PID1: variants seen among roughly 807,000 people sequenced by gnomAD.
PID1 encodes the protein PTB-containing, cubilin and LRP1-interacting protein.
PID1 carries 10 observed loss-of-function variants against 19.1 expected under a neutral mutation model. That is an observed-to-expected ratio of 0.52 (90% CI 0.32 to 0.89). The LOEUF is 0.89. PID1 is among the 40% of genes least tolerant of loss of function. The pLI is 0.03. For missense variants in PID1, 248 were observed against 285.3 expected (o/e 0.87, Z 0.94); for synonymous variants, 130 against 116.0 (o/e 1.12, Z -0.78).
At chr2:229,218,803 G>A (rs1691903472) in intron 1 of PID1, among the ~76,000 whole-genome samples, 1 of 152,136 alleles carries the variant, frequency 6.6e-6, no homozygotes, top group Admixed American at 6.6e-5. Flanking sequence ...CAGAAGACAA[G>A]TAGCAGGGAT....
At chr2:229,098,145 A>G (rs958763437) in intron 2 of PID1, among the ~76,000 whole-genome samples, 3 of 152,216 alleles carry the variant, frequency 2.0e-5, no homozygotes, top group Non-Finnish European at 2.9e-5. Context: ...AGAGGACAAC[A>G]GCTAACAGGT....
intron 2 of PID1, among the ~76,000 whole-genome samples, chr2:229,143,776 G>A (rs13415183): frequency 0.27 from 40,446 of 151,880 alleles, 5,638 homozygotes; most frequent in Non-Finnish European, 0.31. Context: ...GTTTATAAGT[G>A]TGGCACTTCC....
chr2:229,253,509 C>T (rs1467924873), intron 1 of PID1, among the ~76,000 whole-genome samples: 1 of 151,262 alleles, frequency 6.6e-6, no homozygotes, highest in Non-Finnish European at 1.5e-5. Context: ...AAGCTGTGGG[C>T]CAGTACTACG....
intron 2 of PID1, among the ~76,000 whole-genome samples, chr2:229,105,507 G>A (rs1396431235): frequency 6.6e-6 from 1 of 152,220 alleles, no homozygotes; most frequent in Non-Finnish European, 1.5e-5. Context: ...GGGGCTAGGG[G>A]CAAGGAGTGT....
chr2:229,072,723 T>G (rs1473883408), intron 2 of PID1, among the ~76,000 whole-genome samples: 1 of 152,238 alleles, frequency 6.6e-6, no homozygotes, highest in Non-Finnish European at 1.5e-5. Context: ...ATTTGGCAGT[T>G]GTGCTTCGCT....
intron 2 of PID1, among the ~76,000 whole-genome samples, chr2:229,059,008 A>G (rs1694158734): frequency 6.6e-6 from 1 of 152,216 alleles, no homozygotes; most frequent in African/African-American, 2.4e-5. Context: ...TAAATTTTGT[A>G]AATATAAATT....
intron 2 of PID1, among the ~76,000 whole-genome samples, chr2:229,112,792 C>CT (rs1291510678): frequency 6.6e-6 from 1 of 152,092 alleles, no homozygotes; most frequent in Non-Finnish European, 1.5e-5. Context: ...GCCTCTACAA[C>CT]TTTTTTTAAG....
chr2:229,167,370 G>T (rs531128261), intron 1 of PID1, among the ~76,000 whole-genome samples: 1 of 152,106 alleles, frequency 6.6e-6, no homozygotes, highest in Non-Finnish European at 1.5e-5. Context: ...CTAACAATGA[G>T]AAATATTGAC....
At chr2:229,229,327 T>C (rs995333225) in intron 1 of PID1, among the ~76,000 whole-genome samples, 2 of 152,242 alleles carry the variant, frequency 1.3e-5, no homozygotes, top group African/African-American at 2.4e-5. Context: ...TTTGATGCCA[T>C]GCATCATGTT....
At chr2:229,159,574 T>C (rs142453818) in intron 1 of PID1, among the ~76,000 whole-genome samples, 5 of 152,258 alleles carry the variant, frequency 3.3e-5, no homozygotes, top group Non-Finnish European at 7.4e-5. Flanking sequence ...GTTTTGGACT[T>C]TTCTTGCCAA....
intron 1 of PID1, among the ~76,000 whole-genome samples, chr2:229,233,831 C>T (rs142016088): frequency 1.3e-5 from 2 of 152,242 alleles, no homozygotes; most frequent in African/African-American, 4.8e-5. Context: ...AACGAGGAAA[C>T]CTCTACTACC....
intron 1 of PID1, among the ~76,000 whole-genome samples, chr2:229,166,264 T>C (rs1490589074): frequency 6.6e-6 from 1 of 152,148 alleles, no homozygotes; most frequent in Non-Finnish European, 1.5e-5. Flanking sequence ...AATAGATCAA[T>C]GGATAGTGAC....
intron 2 of PID1, among the ~76,000 whole-genome samples, chr2:229,052,793 T>C (rs1400977000): frequency 6.6e-6 from 1 of 152,198 alleles, no homozygotes; most frequent in Non-Finnish European, 1.5e-5. Context: ...TCAATAACCA[T>C]TTCAGGAGCT....
intron 2 of PID1, among the ~76,000 whole-genome samples, chr2:229,042,556 A>T (rs1337175873): frequency 2.0e-5 from 3 of 152,202 alleles, no homozygotes; most frequent in African/African-American, 7.2e-5. Flanking sequence ...GTCCTGGAGC[A>T]CACATGTGTG....
chr2:229,025,735 T>C lies in PID1; in HGVS notation c.551A>G (p.Glu184Gly), dbSNP rs372680514. 19 of 1,614,264 alleles carry C rather than the reference T, an allele frequency of 1.2e-5. No homozygotes were observed. Among genetic ancestry groups the C allele is most frequent in the Non-Finnish European group, 1.6e-5 (19 of 1,180,030 alleles). Residue 184 changes from glutamate to glycine, a missense_variant, in exon 3 of 3, where the codon GAG (glutamate) becomes GGG (glycine). Transcript: ENST00000392055. ...ACTGTGGAAAGTCTTCCTGAAGGCC[T>C]CCATCATGGCGTGGGCCAGTTTCTT... is the stretch of plus-strand genomic sequence containing the variant. ...EAKKLAHAMM[E>G]AFRKTFHSMK...
chr2:229,187,281 G>A (rs1053628051), intron 1 of PID1, among the ~76,000 whole-genome samples: 1 of 152,084 alleles, frequency 6.6e-6, no homozygotes, highest in Non-Finnish European at 1.5e-5. Flanking sequence ...CTTTTCAGCA[G>A]CACCCCACTC....
rs1210728895 is a variant in PID1 at position 229,139,115 on chromosome 2, G to GAAAGAAAGAAAGAA, written c.177+16702_177+16703insTTCTTTCTTTCTTT. Among the ~76,000 whole-genome samples, 66 of 48,050 alleles carry GAAAGAAAGAAAGAA rather than the reference G, an allele frequency of 1.4e-3. 5 individuals carry two copies. Among genetic ancestry groups the GAAAGAAAGAAAGAA allele is most frequent in the African/African-American group, 5.6e-3 (59 of 10,554 alleles). The allele number at this position is 48,050 out of a possible 152,430, so 31.5% of individuals were successfully genotyped here. ...AGAAAGAAAGAAAGAAAGAAAGAAAGAGAAAGAAAGAAAGAAAGAAAGAAA... is the reference window on the plus strand; with the variant it reads ...AGAAAGAAAGAAAGAAAGAAAGAAAGAAAGAAAGAAAGAAAGAAAGAAAGAAAGAAAGAAAGAAA... On this transcript the variant is annotated intron_variant, in intron 2 of 2. Transcript: ENST00000392055.
At chr2:229,155,140 A>G (rs1479090929) in intron 2 of PID1, among the ~76,000 whole-genome samples, 1 of 152,212 alleles carries the variant, frequency 6.6e-6, no homozygotes, top group Non-Finnish European at 1.5e-5. Flanking sequence ...ATTCTTCAAG[A>G]TATGTTTTAT....
chr2:229,207,751 C>T (rs1220083386), intron 1 of PID1, among the ~76,000 whole-genome samples: 2 of 151,868 alleles, frequency 1.3e-5, no homozygotes, highest in Non-Finnish European at 2.9e-5. Flanking sequence ...TTTTCAAATG[C>T]CTCCCTAGCA....
Sources: allele counts gnomAD v4.1 joint callset (sites outside exome capture counted in the v4.1 genomes callset), GRCh38; gene constraint gnomAD v4.1.1; transcripts MANE v1.5; gene names NCBI Gene and HGNC (gene_info 2026-07-23, HGNC 2026-07-21).